Variants in UNC5D observed in about 807,000 individuals in gnomAD.
UNC5D encodes the protein netrin receptor UNC5D.
UNC5D carries 39 observed loss-of-function variants against 105.4 expected under a neutral mutation model. That is an observed-to-expected ratio of 0.37 (90% CI 0.29 to 0.48). The LOEUF is 0.48. Ranked by LOEUF, UNC5D falls within the 20% of genes least tolerant of loss-of-function variation. UNC5D has a pLI of 0.98. For synonymous variants in UNC5D, 452 were observed against 450.4 expected, an observed-to-expected ratio of 1.00 and a Z score of -0.04; for missense variants, 991 against 1,202.4, an observed-to-expected ratio of 0.82 and a Z score of 2.60.
At chr8:35,331,631 C>G (rs1167149574) in intron 1 of UNC5D, among the ~76,000 whole-genome samples, 1 of 152,158 alleles carries the variant, frequency 6.6e-6, no homozygotes, top group Non-Finnish European at 1.5e-5. Context: ...AGGGGGTGCT[C>G]TGACTCACAC....
chr8:35,443,619 T>C (rs1807578379), intron 1 of UNC5D, among the ~76,000 whole-genome samples: 1 of 151,950 alleles, frequency 6.6e-6, no homozygotes, highest in Non-Finnish European at 1.5e-5. Flanking sequence ...CACTGCATCA[T>C]TTCTATTTCA....
intron 1 of UNC5D, among the ~76,000 whole-genome samples, chr8:35,373,489 A>C (rs1314384822): frequency 6.6e-6 from 1 of 152,320 alleles, no homozygotes; most frequent in South Asian, 2.1e-4. Context: ...AATAAACATC[A>C]CATAATATGA....
chr8:35,573,093 G>A (rs760639560), intron 3 of UNC5D, among the ~76,000 whole-genome samples: 14 of 152,286 alleles, frequency 9.2e-5, no homozygotes, highest in Non-Finnish European at 1.6e-4. Context: ...GTGAGCCACC[G>A]CGCCTAGCGC....
chr8:35,773,665 G>C (rs1802104068), intron 15 of UNC5D, among the ~76,000 whole-genome samples: 2 of 152,098 alleles, frequency 1.3e-5, no homozygotes, highest in Non-Finnish European at 2.9e-5. Context: ...CTATGCCTGA[G>C]AGCAAAAACA....
intron 1 of UNC5D, among the ~76,000 whole-genome samples, chr8:35,479,783 G>A (rs187489295): frequency 1.6e-3 from 242 of 152,256 alleles, no homozygotes; most frequent in African/African-American, 5.6e-3. Context: ...CTTGGTCAGG[G>A]AAGGGAGAGA....
chr8:35,254,969 T>C (rs1803971399), intron 1 of UNC5D: 1 of 152,158 alleles, frequency 6.6e-6, no homozygotes, highest in Non-Finnish European at 1.5e-5. Context: ...TATGTACTTA[T>C]TGTAAGAAGT....
chr8:35,729,833 C>T (rs1003420751), intron 10 of UNC5D, among the ~76,000 whole-genome samples: 17 of 152,316 alleles, frequency 1.1e-4, no homozygotes, highest in Admixed American at 9.8e-4. Flanking sequence ...AAGATTTAAA[C>T]GTGCCTTATT....
chr8:35,761,154 T>C (rs1801514867), intron 14 of UNC5D, among the ~76,000 whole-genome samples: 1 of 152,176 alleles, frequency 6.6e-6, no homozygotes, highest in African/African-American at 2.4e-5. Flanking sequence ...CTTTGCTTTC[T>C]GGTAAGCAGT....
intron 8 of UNC5D, among the ~76,000 whole-genome samples, chr8:35,715,049 G>A (rs548896955): frequency 6.6e-6 from 1 of 152,310 alleles, no homozygotes; most frequent in African/African-American, 2.4e-5. Flanking sequence ...TGCTCGGGAG[G>A]CTGAGGCAGG....
rs184821548 is a variant in UNC5D at position 35,333,163 on chromosome 8, A to G, written c.103+97276A>G. ...AGCCTGAGCAACATAGCAAGACCCCATCTCTACAAAAAATTTTTTAAAAAA... is the reference window on the plus strand; with the variant it reads ...AGCCTGAGCAACATAGCAAGACCCCGTCTCTACAAAAAATTTTTTAAAAAA... On this transcript the variant is annotated intron_variant, in intron 1 of 16. Transcript: ENST00000404895. Among the ~76,000 whole-genome samples the G allele has an allele frequency of 2.9e-3, 442 of 152,206 alleles. 6 individuals carry two copies. Among genetic ancestry groups the G allele is most frequent in the African/African-American group, 0.01 (429 of 41,550 alleles).
chr8:35,602,844 G>A (rs1819989071), intron 4 of UNC5D, among the ~76,000 whole-genome samples: 1 of 147,168 alleles, frequency 6.8e-6, no homozygotes, highest in African/African-American at 2.5e-5. Context: ...CTAGCATTAG[G>A]TATATCTCCC....
chr8:35,519,751 G>A (rs1279599671), intron 1 of UNC5D, among the ~76,000 whole-genome samples: 1 of 152,000 alleles, frequency 6.6e-6, no homozygotes, highest in African/African-American at 2.4e-5. Context: ...AAGGTGAACT[G>A]TAAAAACAAC....
At position 35,383,450 on chromosome 8, in the gene UNC5D, T is replaced by C. The variant is rs149848809; in HGVS notation, c.103+147563T>C. 1.5e-3 allele frequency among the ~76,000 whole-genome samples: 222 copies of C among 152,366 alleles called. 1 individual carries two copies. The highest frequency in any genetic ancestry group is 5.1e-3 in the African/African-American group (210 of 41,584). ...AAGTGTTATTAGAATTAGATAATTG[T>C]ATACCCATTCCTTTGAGCCTATAGA... On this transcript the variant is annotated intron_variant, in intron 1 of 16. Transcript: ENST00000404895.
chr8:35,754,195 T>C (rs757215621), intron 13 of UNC5D, among the ~76,000 whole-genome samples: 2 of 152,202 alleles, frequency 1.3e-5, no homozygotes, highest in Non-Finnish European at 2.9e-5. Context: ...AAATAGAGTA[T>C]ACAGTAATAA....
In UNC5D at chr8:35,258,301, C is replaced by T. The variant is rs561715916; in HGVS notation, c.103+22414C>T. Among the ~76,000 whole-genome samples, 8 of 152,336 alleles carry T rather than the reference C, an allele frequency of 5.3e-5. No homozygotes were observed. In the South Asian group the frequency reaches 1.0e-3, roughly 20 times the overall value. On this transcript the variant is annotated intron_variant, in intron 1 of 16. Transcript: ENST00000404895. ...TGGCCTAATTACCTCCCAAAGTCTC[C>T]ACCTCTTCATATGGTTGCATTGGGG...
At chr8:35,323,831 T>TTGTC (rs1480251512) in intron 1 of UNC5D, among the ~76,000 whole-genome samples, 1 of 152,118 alleles carries the variant, frequency 6.6e-6, no homozygotes, top group Non-Finnish European at 1.5e-5. Flanking sequence ...AGCAAAGTCA[T>TTGTC]TGTCCTTGTT....
In UNC5D at chr8:35,385,462, C is replaced by CTT. The variant is rs33929902; in HGVS notation, c.103+149595_103+149596dup. ...TGTCTTCACATCCCTCTACCTACCT[C>CTT]TTTTTTTTTTTTTTTTTTTTTGTGA... On this transcript the variant is annotated intron_variant, in intron 1 of 16. Coordinates refer to ENST00000404895, the MANE Select transcript of UNC5D (RefSeq NM_080872.4). 1.7e-3 allele frequency among the ~76,000 whole-genome samples: 141 copies of CTT among 84,624 alleles called. 2 individuals carry two copies. Among genetic ancestry groups the CTT allele is most frequent in the African/African-American group, 5.0e-3 (119 of 23,618 alleles). 55.5% of individuals were successfully genotyped at this position (84,624 alleles called of 152,430 possible).
At chr8:35,429,556 A>G (rs1446095797) in intron 1 of UNC5D, among the ~76,000 whole-genome samples, 1 of 152,170 alleles carries the variant, frequency 6.6e-6, no homozygotes, top group East Asian at 1.9e-4. Context: ...TTATTTAGCC[A>G]TTAAAGATAA....
Position 35,300,446 on chromosome 8 carries a change from C to CAAAAAAA in UNC5D, c.103+64601_103+64607dup, listed in dbSNP as rs752599540. Among the ~76,000 whole-genome samples, 18 of 58,412 alleles carry CAAAAAAA rather than the reference C, an allele frequency of 3.1e-4. 6 individuals carry two copies. The highest frequency in any genetic ancestry group is 4.0e-4 in the Non-Finnish European group (12 of 30,138). 38.3% of individuals were successfully genotyped at this position (58,412 alleles called of 152,430 possible). Reference sequence around the variant, plus strand: ...TGGGCAACAGAGAGAGACTCCCTCTCAAAAAAAAAAAAAAAAAAAAAAAAA... The same window carrying CAAAAAAA: ...TGGGCAACAGAGAGAGACTCCCTCTCAAAAAAAAAAAAAAAAAAAAAAAAAAAAAAAA... On this transcript the variant is annotated intron_variant, in intron 1 of 16. Transcript: ENST00000404895.
Sources: allele counts gnomAD v4.1 joint callset (sites outside exome capture counted in the v4.1 genomes callset), GRCh38; gene constraint gnomAD v4.1.1; transcripts MANE v1.5; gene names NCBI Gene and HGNC (gene_info 2026-07-23, HGNC 2026-07-21).